The following RNF130 variants were observed in gnomAD, a reference collection of about 807,000 sequenced individuals.
The protein encoded by RNF130 is ring finger protein 130.
RNF130 carries 21 observed loss-of-function variants against 44.6 expected under a neutral mutation model. The ratio of observed to expected loss-of-function variants is 0.47; its 90% confidence interval spans 0.33 to 0.68. RNF130 has a LOEUF of 0.68. RNF130 is among the 30% of genes least tolerant of loss of function. The pLI is 0.02. For synonymous variants in RNF130, 214 were observed against 210.4 expected, an observed-to-expected ratio of 1.02 and a Z score of -0.15; for missense variants, 479 against 560.6, an observed-to-expected ratio of 0.85 and a Z score of 1.47.
chr5:179,985,149 C>T (rs769092377), intron 3 of RNF130, among the ~76,000 whole-genome samples: 3 of 116,038 alleles, frequency 2.6e-5, no homozygotes, highest in Non-Finnish European at 5.1e-5. Flanking sequence ...CCTTTACCCC[C>T]TAACTTTTTT....
chr5:179,933,823 G>A (rs943522951), intron 7 of RNF130: 44 of 762,818 alleles, frequency 5.8e-5, no homozygotes, highest in Admixed American at 9.5e-5. Context: ...AGAATCCCAG[G>A]ATTTTCCCTC....
At chr5:180,003,688 A>G (rs938275185) in intron 3 of RNF130, among the ~76,000 whole-genome samples, 1 of 151,890 alleles carries the variant, frequency 6.6e-6, no homozygotes, top group Admixed American at 6.6e-5. Flanking sequence ...AAAAGCCACT[A>G]TTTTTTTAAA....
At chr5:180,042,444 G>C (rs1010011251) in intron 1 of RNF130, among the ~76,000 whole-genome samples, 7 of 152,138 alleles carry the variant, frequency 4.6e-5, no homozygotes, top group African/African-American at 1.7e-4. Flanking sequence ...CAAATTAAAC[G>C]GGGATAGAAG....
rs761480153 is a variant in RNF130 at position 180,071,467 on chromosome 5, G to C, written c.236C>G (p.Pro79Arg). 3.2e-6 allele frequency: 4 copies of C among 1,245,660 alleles called. No individual in the cohort carries two copies. In the Admixed American group the frequency reaches 1.3e-4, roughly 39 times the overall value. 77.2% of individuals were successfully genotyped at this position (1,245,660 alleles called of 1,614,324 possible). A position where few individuals can be genotyped will look rare whatever the true frequency, so the allele number is the denominator to read the frequency against. ...GGGCCGGCACTCACCTCCGTGGAGG[G>C]GCAGCGGCGCCAGCACCTGGCCGCG... is the stretch of plus-strand genomic sequence containing the variant. ...EVRGQVLAPLPLHGVADHLGC... is the reference protein window; with the variant it reads ...EVRGQVLAPLRLHGVADHLGC... Residue 79 changes from proline to arginine, a missense_variant, in exon 1 of 9, where the codon CCC (proline) becomes CGC (arginine). By Grantham distance (103) the Pro-to-Arg change is moderately radical (BLOSUM62 -2). This residue lies in a region of RNF130 where 138 missense variants were observed against 126.9 expected (regional missense o/e 1.09). Coordinates refer to ENST00000521389, the MANE Select transcript of RNF130 (RefSeq NM_018434.6).
chr5:180,014,545 G>A (rs1490907039), intron 2 of RNF130, among the ~76,000 whole-genome samples: 1 of 152,132 alleles, frequency 6.6e-6, no homozygotes, highest in Non-Finnish European at 1.5e-5. Flanking sequence ...CAATCAAGCA[G>A]AAGTCCCCAA....
At chr5:180,001,279 C>T (rs1216812175) in intron 3 of RNF130, among the ~76,000 whole-genome samples, 1 of 152,074 alleles carries the variant, frequency 6.6e-6, no homozygotes, top group Non-Finnish European at 1.5e-5. Flanking sequence ...CAAAGTGATC[C>T]CTCTTGGTGT....
chr5:179,948,489 G>A (rs1207837887), intron 7 of RNF130, among the ~76,000 whole-genome samples: 3 of 152,132 alleles, frequency 2.0e-5, no homozygotes, highest in African/African-American at 4.8e-5. Flanking sequence ...AGCCAACATG[G>A]TGAAACCCCC....
intron 3 of RNF130, among the ~76,000 whole-genome samples, chr5:179,997,969 G>A (rs1763242640): frequency 6.6e-6 from 1 of 151,786 alleles, no homozygotes; most frequent in South Asian, 2.1e-4. Context: ...AGCCTCCCGA[G>A]TAGCTGAGAC....
chr5:179,931,745 A>G (rs946405002), intron 7 of RNF130, among the ~76,000 whole-genome samples: 1 of 150,746 alleles, frequency 6.6e-6, no homozygotes, highest in Non-Finnish European at 1.5e-5. Flanking sequence ...ACTGCACTCC[A>G]GCCTGGGCGA....
chr5:179,953,941 G>A (rs564987007), downstream of RNF130, among the ~76,000 whole-genome samples: 36 of 152,244 alleles, frequency 2.4e-4, no homozygotes, highest in Non-Finnish European at 4.4e-4. Context: ...GTAAAGCACC[G>A]GGATAGACAT....
At chr5:179,941,290 G>C (rs984278895) in intron 7 of RNF130, among the ~76,000 whole-genome samples, 1 of 152,186 alleles carries the variant, frequency 6.6e-6, no homozygotes. Flanking sequence ...CCTTTCTCTA[G>C]AGGACTTCCC....
chr5:179,980,213 C>A lies in RNF130; in HGVS notation c.694-13G>T. 1 of 1,612,324 alleles carries A rather than the reference C, an allele frequency of 6.2e-7. No homozygotes were observed. Among genetic ancestry groups the A allele is most frequent in the Non-Finnish European group, 8.5e-7 (1 of 1,178,550 alleles). ...CTCCGAGACGACGCTATGAAAATTG[C>A]AAATAAAAACAGATACTAAGTGTAA... On this transcript the variant is annotated splice_polypyrimidine_tract_variant and intron_variant, in intron 3 of 8. Coordinates refer to ENST00000521389, the MANE Select transcript of RNF130 (RefSeq NM_018434.6).
chr5:180,038,411 GT>G (rs796970999), intron 2 of RNF130, among the ~76,000 whole-genome samples: 15 of 57,378 alleles, frequency 2.6e-4, no homozygotes, highest in Admixed American at 8.6e-4. Flanking sequence ...AGCCTGTTTT[GT>G]TTTTTTTTTT....
In RNF130 at chr5:179,924,478, G is replaced by C. The variant is rs532889262; in HGVS notation, c.1151-4052C>G. On this transcript the variant is annotated intron_variant, in intron 7 of 7. Coordinates refer to the RNF130 transcript ENST00000522208. ...CCATTGCACTCCAGCCTGCGCAACA[G>C]AGCAAAACTCTGTCTGAAAAAAAAA... Among the ~76,000 whole-genome samples the C allele has an allele frequency of 2.4e-3, 351 of 146,220 alleles. 3 individuals carry two copies. The highest frequency in any genetic ancestry group is 3.8e-3 in the Middle Eastern group (1 of 262).
chr5:179,954,151 GCA>G (rs1762167201), downstream of RNF130, among the ~76,000 whole-genome samples: 2 of 152,354 alleles, frequency 1.3e-5, no homozygotes, highest in East Asian at 3.9e-4. Flanking sequence ...TGGTGAGAAT[GCA>G]AAATGGTGCA....
At chr5:179,913,154 C>G (rs1467515186) in exon 8 of RNF130, 29 of 152,308 alleles carry the variant, frequency 1.9e-4, no homozygotes, top group Admixed American at 1.9e-3. Context: ...GGCAAGGTGC[C>G]ACCCTCGGCT....
At chr5:180,019,253 G>A (rs1408674939) in intron 2 of RNF130, among the ~76,000 whole-genome samples, 6 of 151,768 alleles carry the variant, frequency 4.0e-5, no homozygotes, top group South Asian at 2.1e-4. Context: ...GCGTGGTGGC[G>A]GGCACCTGTA....
At chr5:180,026,615 C>T (rs890102151) in intron 2 of RNF130, among the ~76,000 whole-genome samples, 2 of 152,134 alleles carry the variant, frequency 1.3e-5, no homozygotes, top group Admixed American at 1.3e-4. Flanking sequence ...ATAAACAGGA[C>T]CAAGCTCTTG....
At chr5:179,992,819 C>T (rs1365278836) in intron 3 of RNF130, among the ~76,000 whole-genome samples, 2 of 152,162 alleles carry the variant, frequency 1.3e-5, no homozygotes, top group African/African-American at 4.8e-5. Flanking sequence ...TGGTGTGCTG[C>T]ACCCATTAAC....
Sources: gnomAD v4.1 joint callset for allele counts (sites outside exome capture counted in the v4.1 genomes callset) on GRCh38, gnomAD v4.1.1 for gene constraint, gnomAD v4.1.1 regional missense constraint, MANE v1.5 for transcripts, NCBI Gene and HGNC (gene_info 2026-07-23, HGNC 2026-07-21) for gene names.